The following CACNA1C variants were observed in gnomAD, a reference collection of about 807,000 sequenced individuals.
CACNA1C encodes calcium voltage-gated channel subunit alpha1 C, also known as voltage-dependent L-type calcium channel subunit alpha-1C.
A neutral mutation model predicts 229.0 loss-of-function variants in CACNA1C; 30 were observed. The observed-to-expected ratio is 0.13, with a 90% CI of 0.10 to 0.18. The LOEUF (loss-of-function observed/expected upper bound fraction) is 0.18, where lower values mean the gene tolerates loss of function less well. Ranked by LOEUF, CACNA1C falls within the 10% of genes least tolerant of loss-of-function variation. The pLI is 1.00. For missense variants in CACNA1C, 1,658 were observed against 2,845.0 expected (o/e 0.58, Z 9.49); for synonymous variants, 1,114 against 1,132.5 (o/e 0.98, Z 0.33).
At chr12:2,001,427 T>G (rs999770175) in intron 1 of CACNA1C, among the ~76,000 whole-genome samples, 1 of 152,158 alleles carries the variant, frequency 6.6e-6, no homozygotes, top group African/African-American at 2.4e-5. Flanking sequence ...GCTAAAGAAA[T>G]AAGCAATTCA....
At chr12:2,662,458 T>A (rs1020246315) in intron 34 of CACNA1C, among the ~76,000 whole-genome samples, 1 of 152,220 alleles carries the variant, frequency 6.6e-6, no homozygotes, top group African/African-American at 2.4e-5. Flanking sequence ...GCTTTTAAAA[T>A]ATAATGTTGA....
At chr12:2,588,271 C>T (rs759972454) in intron 18 of CACNA1C, among the ~76,000 whole-genome samples, 49 of 152,378 alleles carry the variant, frequency 3.2e-4, no homozygotes, top group African/African-American at 9.9e-4. Flanking sequence ...CCTTCCAGGC[C>T]GCTGGCCCCT....
At chr12:2,235,066 T>C (rs181291414) in intron 3 of CACNA1C, among the ~76,000 whole-genome samples, 1 of 152,236 alleles carries the variant, frequency 6.6e-6, no homozygotes, top group African/African-American at 2.4e-5. Flanking sequence ...GCAGCATTAT[T>C]CCTTGCTCTT....
At chr12:1,991,073 T>C (rs1322579380) in intron 1 of CACNA1C, 6 of 455,774 alleles carry the variant, frequency 1.3e-5, no homozygotes, top group Non-Finnish European at 1.8e-5. Flanking sequence ...CTATTTCTTT[T>C]GTATGGAAAT....
chr12:2,235,151 G>A (rs973022751), intron 3 of CACNA1C, among the ~76,000 whole-genome samples: 1 of 152,158 alleles, frequency 6.6e-6, no homozygotes, highest in Admixed American at 6.5e-5. Flanking sequence ...CAGCCCCTTC[G>A]GCCTGCTCCC....
intron 4 of CACNA1C, 148 bp downstream of exon 4, chr12:2,449,263 G>T: frequency 3.4e-6 from 2 of 580,126 alleles, no homozygotes; most frequent in Non-Finnish European, 2.8e-6. Context: ...GATTTATTTT[G>T]CTAAAAGGAA....
intron 6 of CACNA1C, among the ~76,000 whole-genome samples, chr12:2,487,442 C>T (rs762376752): frequency 3.4e-5 from 5 of 146,276 alleles, no homozygotes; most frequent in Non-Finnish European, 6.0e-5. Context: ...TATGTATGAT[C>T]TAGTATGACC....
intron 3 of CACNA1C, among the ~76,000 whole-genome samples, chr12:2,262,739 G>C (rs778982650): frequency 2.0e-5 from 3 of 152,218 alleles, no homozygotes; most frequent in Admixed American, 6.5e-5. Context: ...CAGAAAGTTA[G>C]TGACCGCAGG....
rs2096363539 is a variant in CACNA1C, at chr12:2,668,515, CA to C, written c.4624-417del. 3 of 173,212 alleles carry C rather than the reference CA, an allele frequency of 1.7e-5. No individual in the cohort carries two copies. The South Asian group carries it at 4.7e-4, about 27-fold the overall frequency. 10.7% of individuals were successfully genotyped at this position (173,212 alleles called of 1,614,324 possible). On this transcript the variant is annotated intron_variant, in intron 37 of 46. Coordinates refer to ENST00000399655, the MANE Select transcript of CACNA1C (RefSeq NM_000719.7). ...TGAGACTGGGTAATTTATAAGAAAA[CA>C]GGTTTAATTGGCCCACAGTTCAGCA... is the stretch of plus-strand genomic sequence containing the variant.
At chr12:2,537,460 T>G (rs2099858483) in intron 9 of CACNA1C, among the ~76,000 whole-genome samples, 1 of 152,096 alleles carries the variant, frequency 6.6e-6, no homozygotes, top group African/African-American at 2.4e-5. Context: ...AGACTGAGCT[T>G]TGTTGTTAAT....
chr12:2,453,804 C>T (rs1007916244), intron 4 of CACNA1C, among the ~76,000 whole-genome samples: 4 of 152,232 alleles, frequency 2.6e-5, no homozygotes, highest in African/African-American at 9.6e-5. Flanking sequence ...GTTCCAGCTA[C>T]TCCACCCTGC....
At chr12:2,668,298 G>T (rs539536018) in intron 37 of CACNA1C, among the ~76,000 whole-genome samples, 4 of 152,258 alleles carry the variant, frequency 2.6e-5, no homozygotes, top group Admixed American at 6.5e-5. Flanking sequence ...AAGGTCTAAT[G>T]AGGACAAATT....
At chr12:2,508,530 A>G (rs982084543) in intron 8 of CACNA1C, among the ~76,000 whole-genome samples, 1 of 152,210 alleles carries the variant, frequency 6.6e-6, no homozygotes, top group Non-Finnish European at 1.5e-5. Context: ...GGCAGCACCT[A>G]TAGTCCCAGG....
At chr12:2,465,968 A>G (rs183044786) in intron 5 of CACNA1C, among the ~76,000 whole-genome samples, 6 of 152,252 alleles carry the variant, frequency 3.9e-5, no homozygotes, top group Admixed American at 1.3e-4. Flanking sequence ...TCTTACTGAT[A>G]CGATGAATAT....
intron 3 of CACNA1C, among the ~76,000 whole-genome samples, chr12:2,329,832 C>T (rs2096483737): frequency 6.6e-6 from 1 of 152,140 alleles, no homozygotes; most frequent in Non-Finnish European, 1.5e-5. Flanking sequence ...GAATAAACTC[C>T]CCTAGGAAAG....
chr12:2,064,375 G>A (rs2058596536), intron 1 of CACNA1C, among the ~76,000 whole-genome samples: 1 of 152,212 alleles, frequency 6.6e-6, no homozygotes, highest in Admixed American at 6.5e-5. Flanking sequence ...GGACTGTTGG[G>A]AGAGGGTGGC....
intron 30 of CACNA1C, among the ~76,000 whole-genome samples, chr12:2,635,661 C>G (rs972368577): frequency 1.3e-5 from 2 of 152,136 alleles, no homozygotes; most frequent in African/African-American, 4.8e-5. Context: ...AGCAGATGGA[C>G]TATGGAAAGC....
intron 3 of CACNA1C, among the ~76,000 whole-genome samples, chr12:2,248,052 T>C (rs2074099105): frequency 6.6e-6 from 1 of 152,224 alleles, no homozygotes; most frequent in African/African-American, 2.4e-5. Flanking sequence ...AACTTAAAAT[T>C]AAGTTCTATG....
At chr12:2,556,863 G>T in intron 10 of CACNA1C, 88 bp from the exon 11 acceptor site, 1 of 1,069,702 alleles carries the variant, frequency 9.3e-7, no homozygotes, top group Non-Finnish European at 1.5e-6. Flanking sequence ...ATTACCTGGG[G>T]AACATCAAAT....
Sources: allele counts gnomAD v4.1 joint callset (sites outside exome capture counted in the v4.1 genomes callset), GRCh38; gene constraint gnomAD v4.1.1; transcripts MANE v1.5; gene names NCBI Gene and HGNC (gene_info 2026-07-23, HGNC 2026-07-21).